The following CTNND2 variants were observed in gnomAD, a reference collection of about 807,000 sequenced individuals.
CTNND2 encodes catenin delta 2, also known as catenin delta-2.
Under a neutral mutation model 144.4 loss-of-function variants are expected in CTNND2, and 22 were observed. That is an observed-to-expected ratio of 0.15 (90% CI 0.11 to 0.22). CTNND2 has a LOEUF of 0.22. CTNND2 is among the 10% of genes least tolerant of loss of function. The probability of loss-of-function intolerance (pLI) is 1.00; values close to 1 mark genes in which losing one functional copy is unlikely to be tolerated. For missense variants in CTNND2, 1,353 were observed against 1,618.8 expected (o/e 0.84, Z 2.82); for synonymous variants, 751 against 695.6 (o/e 1.08, Z -1.25).
At chr5:11,562,177 G>A (rs1183248434) in intron 3 of CTNND2, among the ~76,000 whole-genome samples, 1 of 152,142 alleles carries the variant, frequency 6.6e-6, no homozygotes, top group African/African-American at 2.4e-5. Flanking sequence ...TCTGGCAGTT[G>A]TGACTTGATT....
intron 10 of CTNND2, among the ~76,000 whole-genome samples, chr5:11,218,819 C>T (rs537048826): frequency 6.6e-5 from 10 of 152,284 alleles, no homozygotes; most frequent in South Asian, 4.1e-4. Flanking sequence ...ACAGATGTCA[C>T]CAGTCCCTTC....
chr5:11,241,165 C>A (rs891726820), intron 9 of CTNND2, among the ~76,000 whole-genome samples: 2 of 151,966 alleles, frequency 1.3e-5, no homozygotes, highest in Admixed American at 1.3e-4. Flanking sequence ...ACACCCAACA[C>A]ACACAGACAC....
chr5:11,407,740 T>C lies in CTNND2; in HGVS notation c.439+3796A>G, dbSNP rs139304586. Among the ~76,000 whole-genome samples the C allele has an allele frequency of 4.1e-3, 614 of 149,530 alleles. 1 individual carries two copies. Among genetic ancestry groups the C allele is most frequent in the African/African-American group, 0.014 (595 of 41,336 alleles). On this transcript the variant is annotated intron_variant, in intron 5 of 21. Transcript: ENST00000304623. ...TTAGCATTAGCTGGTTCATAGCTAA[T>C]GAATCCATTGATTGAATAATCACTG...
intron 9 of CTNND2, among the ~76,000 whole-genome samples, chr5:11,250,675 C>T (rs940916748): frequency 6.6e-6 from 1 of 151,608 alleles, no homozygotes; most frequent in African/African-American, 2.4e-5. Context: ...CACCAACACA[C>T]TCAGCTAGTT....
intron 2 of CTNND2, among the ~76,000 whole-genome samples, chr5:11,671,627 C>T (rs891267192): frequency 4.0e-5 from 6 of 151,886 alleles, no homozygotes; most frequent in African/African-American, 1.4e-4. Flanking sequence ...TCAGCTCCAT[C>T]AAGTCATTTA....
chr5:11,124,507 G>A (rs1287092555), intron 12 of CTNND2, among the ~76,000 whole-genome samples: 3 of 152,190 alleles, frequency 2.0e-5, no homozygotes, highest in African/African-American at 4.8e-5. Context: ...TCTTCTATCC[G>A]TGAACACCTA....
At chr5:11,888,250 T>C (rs1222871621) in intron 1 of CTNND2, among the ~76,000 whole-genome samples, 1 of 152,212 alleles carries the variant, frequency 6.6e-6, no homozygotes, top group Non-Finnish European at 1.5e-5. Flanking sequence ...AAGCCTAGTG[T>C]AGCTTAAAGG....
chr5:11,367,835 A>G (rs1282971805), intron 7 of CTNND2, among the ~76,000 whole-genome samples: 2 of 152,344 alleles, frequency 1.3e-5, no homozygotes, highest in East Asian at 3.9e-4. Flanking sequence ...AGACCAGACC[A>G]ACTTTCCTGA....
At chr5:11,282,201 T>C (rs1747219230) in intron 9 of CTNND2, among the ~76,000 whole-genome samples, 1 of 152,110 alleles carries the variant, frequency 6.6e-6, no homozygotes, top group Non-Finnish European at 1.5e-5. Flanking sequence ...GCACGATCAG[T>C]CAATGCTGTT....
intron 16 of CTNND2, among the ~76,000 whole-genome samples, chr5:11,074,800 CAG>C (rs1748741298): frequency 6.6e-6 from 1 of 152,162 alleles, no homozygotes; most frequent in Admixed American, 6.5e-5. Flanking sequence ...CACTCAAAGA[CAG>C]AACATTTTTA....
At chr5:11,794,786 G>A (rs1042337199) in intron 1 of CTNND2, among the ~76,000 whole-genome samples, 1 of 152,116 alleles carries the variant, frequency 6.6e-6, no homozygotes, top group African/African-American at 2.4e-5. Flanking sequence ...CCAAGCAGAT[G>A]GGTTTTCTCC....
chr5:11,064,031 T>C (rs1747286451), intron 16 of CTNND2, among the ~76,000 whole-genome samples: 1 of 152,118 alleles, frequency 6.6e-6, no homozygotes, highest in African/African-American at 2.4e-5. Context: ...ATTACCAGCA[T>C]GGGTCAGCCA....
At chr5:11,139,024 G>C (rs540502844) in intron 12 of CTNND2, among the ~76,000 whole-genome samples, 72 of 151,218 alleles carry the variant, frequency 4.8e-4, no homozygotes, top group African/African-American at 1.7e-3. Flanking sequence ...AAAATGGCAC[G>C]ATCTTGGCTC....
chr5:11,152,097 AAG>A (rs1026134525), intron 12 of CTNND2, among the ~76,000 whole-genome samples: 4 of 152,212 alleles, frequency 2.6e-5, no homozygotes, highest in African/African-American at 4.8e-5. Context: ...ATGTGTTAGT[AAG>A]AGAGAGGTGG....
At chr5:11,534,797 T>C (rs72732976) in intron 3 of CTNND2, among the ~76,000 whole-genome samples, 7,558 of 152,164 alleles carry the variant, frequency 0.05, 303 homozygotes, top group Middle Eastern at 0.082. Flanking sequence ...CTAAGAAATA[T>C]GTAAGTTAGT....
chr5:11,700,591 G>A (rs561921202), intron 2 of CTNND2, among the ~76,000 whole-genome samples: 6 of 152,050 alleles, frequency 3.9e-5, no homozygotes, highest in South Asian at 2.1e-4. Flanking sequence ...TCTTTTCATC[G>A]GCGCTGTGTG....
intron 9 of CTNND2, among the ~76,000 whole-genome samples, chr5:11,254,327 C>T (rs765706909): frequency 1.2e-4 from 19 of 152,268 alleles, no homozygotes; most frequent in Middle Eastern, 6.8e-3. Flanking sequence ...CAAAGCCCAC[C>T]CTATCCTGGC....
chr5:11,771,204 TTTTTTGGGATGGAGTC>T (rs1344189716), intron 1 of CTNND2, among the ~76,000 whole-genome samples: 1 of 141,432 alleles, frequency 7.1e-6, no homozygotes, highest in Non-Finnish European at 1.5e-5. Context: ...TTTTTTTTTT[TTTTTTGGGATGGAGTC>T]TCGCCCTGTC....
intron 8 of CTNND2, among the ~76,000 whole-genome samples, chr5:11,360,168 A>C (rs766542741): frequency 8.5e-5 from 13 of 152,190 alleles, no homozygotes; most frequent in Non-Finnish European, 1.3e-4. Context: ...TACTTATGAC[A>C]GCTAAGAAGA....
Sources: allele counts gnomAD v4.1 joint callset (sites outside exome capture counted in the v4.1 genomes callset), GRCh38; gene constraint gnomAD v4.1.1; transcripts MANE v1.5; gene names NCBI Gene and HGNC (gene_info 2026-07-23, HGNC 2026-07-21).